Variants in ZNF148 observed in about 807,000 individuals in gnomAD.
The protein encoded by ZNF148 is zinc finger protein 148.
ZNF148 carries 7 observed loss-of-function variants against 67.7 expected under a neutral mutation model. The observed-to-expected ratio is 0.10, with a 90% CI of 0.06 to 0.19. The LOEUF (loss-of-function observed/expected upper bound fraction) is 0.19. Ranked by LOEUF, ZNF148 falls within the 10% of genes least tolerant of loss-of-function variation. The pLI, the probability that ZNF148 is intolerant of heterozygous loss-of-function variation, is 1.00. For missense variants in ZNF148, 583 were observed against 947.1 expected (o/e 0.62, Z 5.05); for synonymous variants, 333 against 330.7 (o/e 1.01, Z -0.08).
rs1332596395 is a variant in ZNF148, at chr3:125,277,594, G to A, written c.667+132C>T. On this transcript the variant is annotated intron_variant, in intron 7 of 8. Transcript: ENST00000360647. The stretch of plus-strand genomic sequence containing the variant: ...AGTTAACATTGATTTATTGAAGGGA[G>A]AAAAAAGATAACCTGTGATTTATAG... 7.3e-6 allele frequency: 5 copies of A among 687,110 alleles called. No individual in the cohort carries two copies. In the East Asian group the frequency reaches 1.6e-4, roughly 22 times the overall value. The allele number at this position is 687,110 out of a possible 1,614,324, so 42.6% of individuals were successfully genotyped here.
At chr3:125,299,049 G>A (rs1939445612) in intron 4 of ZNF148, among the ~76,000 whole-genome samples, 1 of 152,166 alleles carries the variant, frequency 6.6e-6, no homozygotes, top group African/African-American at 2.4e-5. Context: ...TGGAATTAGA[G>A]TAGTAGACAG....
chr3:125,322,784 T>C lies in ZNF148; in HGVS notation c.-17+525A>G, dbSNP rs376623463. 7.2e-4 allele frequency among the ~76,000 whole-genome samples: 110 copies of C among 152,338 alleles called. 1 individual carries two copies. The highest frequency in any genetic ancestry group is 9.4e-4 in the Non-Finnish European group (64 of 68,028). On this transcript the variant is annotated intron_variant, in intron 3 of 8. Coordinates refer to ENST00000360647, the MANE Select transcript of ZNF148 (RefSeq NM_021964.3). ...CAGTAGCCAAGTCTATATACTAATATATCAAACTTAAGTGATTACTGAATT... is the reference window on the plus strand; with the variant it reads ...CAGTAGCCAAGTCTATATACTAATACATCAAACTTAAGTGATTACTGAATT...
chr3:125,309,813 T>C (rs1439108423), intron 4 of ZNF148, among the ~76,000 whole-genome samples: 1 of 152,224 alleles, frequency 6.6e-6, no homozygotes, highest in Admixed American at 6.5e-5. Context: ...TGCCAGTCTA[T>C]TGCAATCTAT....
chr3:125,345,140 C>A (rs1941891948), intron 1 of ZNF148, among the ~76,000 whole-genome samples: 1 of 152,082 alleles, frequency 6.6e-6, no homozygotes, highest in African/African-American at 2.4e-5. Flanking sequence ...ACCCATGGAA[C>A]ATTCACCAAG....
intron 1 of ZNF148, among the ~76,000 whole-genome samples, chr3:125,340,716 G>A (rs547992834): frequency 1.1e-3 from 170 of 152,280 alleles, no homozygotes; most frequent in Non-Finnish European, 1.8e-3. Flanking sequence ...GCCGGGCGCG[G>A]TGGCTCATGC....
chr3:125,240,135 T>A (rs1262697461), intron 7 of ZNF148, among the ~76,000 whole-genome samples: 1 of 152,204 alleles, frequency 6.6e-6, no homozygotes, highest in Non-Finnish European at 1.5e-5. Context: ...GTAATACAAT[T>A]GATACTATGC....
intron 7 of ZNF148, among the ~76,000 whole-genome samples, chr3:125,275,164 A>G (rs1937981886): frequency 6.6e-6 from 1 of 152,248 alleles, no homozygotes; most frequent in Non-Finnish European, 1.5e-5. Context: ...CCCTTATATC[A>G]GTTCCACCTA....
At chr3:125,298,410 T>C (rs1939402944) in intron 4 of ZNF148, among the ~76,000 whole-genome samples, 2 of 148,652 alleles carry the variant, frequency 1.3e-5, no homozygotes, top group Non-Finnish European at 3.0e-5. Context: ...ACAAACCCAG[T>C]AATAACAAAT....
At chr3:125,244,659 A>C (rs1429354097) in intron 7 of ZNF148, among the ~76,000 whole-genome samples, 1 of 152,002 alleles carries the variant, frequency 6.6e-6, no homozygotes, top group Non-Finnish European at 1.5e-5. Flanking sequence ...CACCATGCCC[A>C]GCTTATTTTT....
At chr3:125,344,567 C>T in intron 1 of ZNF148, 3 of 948,734 alleles carry the variant, frequency 3.2e-6, no homozygotes, top group South Asian at 1.3e-5. Flanking sequence ...CCACCTCCTC[C>T]TCCACCATTT....
At chr3:125,279,331 C>A (rs1395760096) in intron 5 of ZNF148, 84 bp from the exon 6 acceptor site, 2 of 1,091,764 alleles carry the variant, frequency 1.8e-6, no homozygotes, top group African/African-American at 1.6e-5. Flanking sequence ...AAAGATAATG[C>A]AAACAACGGT....
At chr3:125,326,938 T>C (rs1057117698) in intron 2 of ZNF148, among the ~76,000 whole-genome samples, 6 of 150,898 alleles carry the variant, frequency 4.0e-5, no homozygotes, top group Admixed American at 1.3e-4. Context: ...CCTAATTAAA[T>C]ATGAATGGTC....
At chr3:125,287,203 C>A (rs1481532718) in intron 5 of ZNF148, among the ~76,000 whole-genome samples, 1 of 152,098 alleles carries the variant, frequency 6.6e-6, no homozygotes, top group Admixed American at 6.5e-5. Flanking sequence ...ACAGTATGAT[C>A]TTTTTAAAAA....
At chr3:125,351,380 CAAAAA>C (rs1158167448) in intron 1 of ZNF148, among the ~76,000 whole-genome samples, 7 of 51,352 alleles carry the variant, frequency 1.4e-4, no homozygotes, top group Non-Finnish European at 2.0e-4. Context: ...CCTTGTTTCT[CAAAAA>C]AAAAAAAAAA....
chr3:125,239,816 T>C (rs1295153153), intron 7 of ZNF148, among the ~76,000 whole-genome samples: 1 of 152,174 alleles, frequency 6.6e-6, no homozygotes, highest in Non-Finnish European at 1.5e-5. Context: ...AAAAATGGAA[T>C]GGAATATTAC....
intron 4 of ZNF148, among the ~76,000 whole-genome samples, chr3:125,292,234 C>G (rs1349151447): frequency 1.3e-5 from 2 of 152,094 alleles, no homozygotes; most frequent in Non-Finnish European, 2.9e-5. Flanking sequence ...TTTGCCTGAT[C>G]CATGACCGCA....
intron 1 of ZNF148, among the ~76,000 whole-genome samples, chr3:125,345,228 G>A (rs1159462234): frequency 1.3e-5 from 2 of 151,992 alleles, no homozygotes. Flanking sequence ...CTAGAAATCA[G>A]TAACAGAAAG....
At position 125,345,789 on chromosome 3, in the gene ZNF148, T is replaced by C. The variant is rs559742195; in HGVS notation, c.-233-14551A>G. ...GAAACAGAGAATATAAATAACCCCA[T>C]AGCCATTAAATAAAACTGACTTCTT... On this transcript the variant is annotated intron_variant, in intron 1 of 8. Coordinates refer to ENST00000360647, the MANE Select transcript of ZNF148 (RefSeq NM_021964.3). Among the ~76,000 whole-genome samples the C allele has an allele frequency of 4.0e-3, 614 of 152,038 alleles. 3 individuals carry two copies. Among genetic ancestry groups the C allele is most frequent in the Non-Finnish European group, 6.0e-3 (411 of 67,972 alleles).
chr3:125,298,796 T>G (rs1020031064), intron 4 of ZNF148, among the ~76,000 whole-genome samples: 7 of 151,830 alleles, frequency 4.6e-5, no homozygotes, highest in Non-Finnish European at 8.8e-5. Context: ...AGCTAATTTT[T>G]TTTTGTATTT....
Sources: allele counts gnomAD v4.1 joint callset (sites outside exome capture counted in the v4.1 genomes callset), GRCh38; gene constraint gnomAD v4.1.1; transcripts MANE v1.5; gene names NCBI Gene and HGNC (gene_info 2026-07-23, HGNC 2026-07-21).